The following DNAI7 variants were observed in gnomAD, a reference collection of about 807,000 sequenced individuals.
The protein encoded by DNAI7 is dynein axonemal intermediate chain 7, also known as cancer susceptibility 1.
In DNAI7, 78 loss-of-function variants were observed where a neutral mutation model predicts 86.6. The ratio of observed to expected loss-of-function variants is 0.90; its 90% confidence interval spans 0.75 to 1.09. DNAI7 has a LOEUF of 1.09. Among genes scored for constraint, DNAI7 ranks in the 50% least tolerant of loss-of-function variants. DNAI7 has a pLI of 0.00. For synonymous variants in DNAI7, 274 were observed against 273.0 expected, an observed-to-expected ratio of 1.00 and a Z score of -0.04; for missense variants, 753 against 810.2, an observed-to-expected ratio of 0.93 and a Z score of 0.86.
chr12:25,190,524 C>T, intron 2 of DNAI7, 90 bp downstream of exon 2: 1 of 541,216 alleles, frequency 1.8e-6, no homozygotes, highest in Non-Finnish European at 3.1e-6. Context: ...CAAACTAAAA[C>T]TATAAAAATA....
chr12:25,107,184 T>C, downstream of DNAI7: 1 of 439,354 alleles, frequency 2.3e-6, no homozygotes, highest in Admixed American at 4.2e-5. Flanking sequence ...TAACAAACTT[T>C]GTATGTCAGG....
intron 6 of DNAI7, among the ~76,000 whole-genome samples, chr12:25,153,854 T>C (rs1945849252): frequency 6.6e-6 from 1 of 152,240 alleles, no homozygotes; most frequent in African/African-American, 2.4e-5. Flanking sequence ...AAGTGGCAGC[T>C]TCTCAGGCTA....
At chr12:25,173,607 AAC>A (rs1367624199) in intron 2 of DNAI7, among the ~76,000 whole-genome samples, 3 of 152,086 alleles carry the variant, frequency 2.0e-5, no homozygotes, top group Non-Finnish European at 4.4e-5. Context: ...CTGGGTATCT[AAC>A]CAGAGGAAAA....
intron 13 of DNAI7, among the ~76,000 whole-genome samples, chr12:25,113,484 T>C (rs537664251): frequency 1.3e-5 from 2 of 152,164 alleles, no homozygotes; most frequent in East Asian, 1.9e-4. Context: ...GTATTATTAG[T>C]AGAGATGGGG....
intron 9 of DNAI7, among the ~76,000 whole-genome samples, chr12:25,136,039 A>G (rs1449193267): frequency 2.0e-5 from 3 of 152,108 alleles, no homozygotes; most frequent in Admixed American, 6.5e-5. Flanking sequence ...CTCCCACACT[A>G]CCGCAGCTGA....
chr12:25,118,927 G>T (rs987080052), intron 12 of DNAI7, among the ~76,000 whole-genome samples: 9 of 152,166 alleles, frequency 5.9e-5, no homozygotes, highest in African/African-American at 2.2e-4. Context: ...ATAGACAATG[G>T]CAGATACAGA....
chr12:25,170,700 C>A (rs139833859), intron 2 of DNAI7, among the ~76,000 whole-genome samples: 17,562 of 152,200 alleles, frequency 0.12, 1,356 homozygotes, highest in Admixed American at 0.16. Flanking sequence ...GCACATGGAA[C>A]TTTCTCCAAG....
In DNAI7 at chr12:25,191,150, T is replaced by G. The variant is rs1254571060; in HGVS notation, c.4-519A>C. On this transcript the variant is annotated intron_variant, in intron 1 of 15. Transcript: ENST00000395987. ...ACGCAAAGTAGCCTCACACGGTGGC[T>G]CACTCCTGTAATAGCATTCGCGGAG... is the stretch of plus-strand genomic sequence containing the variant. Among the ~76,000 whole-genome samples, 8 of 152,312 alleles carry G rather than the reference T, an allele frequency of 5.3e-5. No individual in the cohort carries two copies. In the East Asian group the frequency reaches 1.2e-3, roughly 22 times the overall value.
At chr12:25,155,440 C>T in intron 4 of DNAI7, 28 bp from the exon 5 acceptor site, 1 of 1,243,252 alleles carries the variant, frequency 8.0e-7, no homozygotes, top group Non-Finnish European at 1.1e-6. Context: ...ATACATTGAT[C>T]AGCTCTTTAA....
chr12:25,133,037 G>A (rs1334821931), intron 9 of DNAI7, among the ~76,000 whole-genome samples: 2 of 152,092 alleles, frequency 1.3e-5, no homozygotes, highest in Non-Finnish European at 2.9e-5. Context: ...GCACTGGTAA[G>A]TACGAAAGGT....
rs756853037 is a variant in DNAI7 at position 25,155,361 on chromosome 12, A to G, written c.250T>C (p.Cys84Arg). 2.5e-6 allele frequency: 4 copies of G among 1,608,912 alleles called. No homozygotes were observed. The highest frequency in any genetic ancestry group is 3.4e-5 in the Admixed American group (2 of 59,510). ...TTCAATTTCTCTGCTTCAGGAAAAC[A>G]CCTCTCTAATAAATAAAGTTCTTCA... Reference protein sequence around the residue: ...ELEELYLLERCFPEAEKLKQE... With the variant: ...ELEELYLLERRFPEAEKLKQE... The change falls in exon 5 of 16, where the codon TGT (cysteine) becomes CGT (arginine). Residue 84 changes from cysteine to arginine, a missense_variant. Coordinates refer to ENST00000395987, the MANE Select transcript of DNAI7 (RefSeq NM_018272.5).
intron 2 of DNAI7, among the ~76,000 whole-genome samples, chr12:25,187,315 C>A (rs147198600): frequency 6.6e-6 from 1 of 152,284 alleles, no homozygotes; most frequent in African/African-American, 2.4e-5. Context: ...AACCTACTCC[C>A]TTGCTTCATC....
intron 6 of DNAI7, among the ~76,000 whole-genome samples, chr12:25,153,286 G>A (rs117313441): frequency 0.018 from 2,793 of 152,162 alleles, 49 homozygotes; most frequent in South Asian, 0.068. Flanking sequence ...GCCAGGTGTG[G>A]TGGCACATGA....
intron 2 of DNAI7, among the ~76,000 whole-genome samples, chr12:25,176,100 T>C (rs1176932356): frequency 6.6e-6 from 1 of 151,418 alleles, no homozygotes; most frequent in Non-Finnish European, 1.5e-5. Context: ...ATATATCCAA[T>C]AGAATCTACA....
intron 2 of DNAI7, among the ~76,000 whole-genome samples, chr12:25,164,633 G>A (rs1371814642): frequency 6.6e-6 from 1 of 152,070 alleles, no homozygotes; most frequent in African/African-American, 2.4e-5. Context: ...AACGGTCTGA[G>A]GTGCCTGACG....
At chr12:25,146,177 G>T (rs1417528806) in intron 8 of DNAI7, among the ~76,000 whole-genome samples, 1 of 150,798 alleles carries the variant, frequency 6.6e-6, no homozygotes, top group Non-Finnish European at 1.5e-5. Context: ...AGCCGAGATT[G>T]CGCCCTTGCA....
intron 10 of DNAI7, 84 bp downstream of exon 10, chr12:25,123,127 A>C: frequency 1.1e-6 from 1 of 915,098 alleles, no homozygotes; most frequent in Non-Finnish European, 1.6e-6. Flanking sequence ...GCAATGTCTG[A>C]ATTTTTTTAA....
chr12:25,171,887 G>GA (rs1409419224), intron 2 of DNAI7, among the ~76,000 whole-genome samples: 2 of 152,038 alleles, frequency 1.3e-5, no homozygotes, highest in African/African-American at 4.8e-5. Context: ...AATACATGCA[G>GA]AAAAAAGATT....
At chr12:25,118,074 C>T (rs1940524025) in intron 12 of DNAI7, among the ~76,000 whole-genome samples, 1 of 151,600 alleles carries the variant, frequency 6.6e-6, no homozygotes, top group South Asian at 2.1e-4. Context: ...GCTGGGACTA[C>T]AGGCATGTGC....
Sources: gnomAD v4.1 joint callset for allele counts (sites outside exome capture counted in the v4.1 genomes callset) on GRCh38, gnomAD v4.1.1 for gene constraint, MANE v1.5 for transcripts, NCBI Gene and HGNC (gene_info 2026-07-23, HGNC 2026-07-21) for gene names.